NAGK: variants seen among roughly 807,000 people sequenced by gnomAD.
NAGK encodes N-acetyl-D-glucosamine kinase.
In NAGK, 35 loss-of-function variants were observed where a neutral mutation model predicts 42.9. The ratio of observed to expected loss-of-function variants is 0.82; its 90% CI spans 0.62 to 1.08. NAGK has a LOEUF of 1.08. NAGK is among the 50% of genes least tolerant of loss of function. The pLI is 0.00. For missense variants in NAGK, 446 were observed against 446.0 expected (o/e 1.00, Z 0.00); for synonymous variants, 172 against 176.0 (o/e 0.98, Z 0.18).
intron 1 of NAGK, chr2:71,069,262 T>G (rs1370611266): frequency 1.9e-5 from 5 of 257,148 alleles, no homozygotes; most frequent in Non-Finnish European, 3.0e-5. Flanking sequence ...GAAGCTTGTT[T>G]ACTGAACTTT....
At position 71,071,523 on chromosome 2, in the gene NAGK, C is replaced by A. The variant is rs553517737; in HGVS notation, c.214-163C>A. On this transcript the variant is annotated intron_variant, in intron 3 of 9. Coordinates refer to ENST00000244204, the MANE Select transcript of NAGK (RefSeq NM_017567.6). Reference sequence around the variant, plus strand: ...GTCCAGGTTGTTCTTATAACCACAGCCTTCTGAGGGGTCATTGTGTGGGGA... The same window carrying A: ...GTCCAGGTTGTTCTTATAACCACAGACTTCTGAGGGGTCATTGTGTGGGGA... 56 of 973,770 alleles carry A rather than the reference C, an allele frequency of 5.8e-5. No homozygotes were observed. The African/African-American group carries it at 9.1e-4, about 16-fold the overall frequency. 60.3% of individuals were successfully genotyped at this position (973,770 alleles called of 1,614,324 possible).
Position 71,072,759 on chromosome 2 carries a change from C to G in NAGK, c.466+8C>G. 6.2e-7 allele frequency: 1 copy of G among 1,608,604 alleles called. No homozygotes were observed. The highest frequency in any genetic ancestry group is 8.5e-7 in the Non-Finnish European group (1 of 1,175,382). On this transcript the variant is annotated splice_region_variant and intron_variant, in intron 5 of 9. Coordinates refer to ENST00000244204, the MANE Select transcript of NAGK (RefSeq NM_017567.6). Reference sequence around the variant, plus strand: ...TGGGTGATGAGGGTTCAGGTGAGCTCACTGACTGGCCCAGCTCCAGGTCCT... The same window carrying G: ...TGGGTGATGAGGGTTCAGGTGAGCTGACTGACTGGCCCAGCTCCAGGTCCT...
At chr2:71,076,123 G>T in intron 7 of NAGK, 1 of 185,094 alleles carries the variant, frequency 5.4e-6, no homozygotes, top group Non-Finnish European at 1.1e-5. Context: ...GCATTCTAGG[G>T]CTCTCTTAGA....
At chr2:71,071,034 A>G in intron 3 of NAGK, 195 bp downstream of exon 3, 1 of 605,550 alleles carries the variant, frequency 1.7e-6, no homozygotes, top group Non-Finnish European at 2.9e-6. Context: ...TTGGAAGAGC[A>G]CAGGGCTTTG....
At position 71,070,804 on chromosome 2, in the gene NAGK, G is replaced by A; in HGVS notation, c.178G>A (p.Ala60Thr). ...NEMVNRAKRKAGVDPLVPLRS... is the reference protein window; with the variant it reads ...NEMVNRAKRKTGVDPLVPLRS... ...GATGGTGAACAGGGCCAAACGGAAA[G>A]CAGGGGTGGATCCTCTGGTACCGCT... The change falls in exon 3 of 10, where the codon GCA (alanine) becomes ACA (threonine). Residue 60 changes from alanine (A) to threonine (T), a missense_variant. Transcript: ENST00000244204. The A allele has an allele frequency of 6.2e-7, 1 of 1,614,226 alleles. No homozygotes were observed. Among genetic ancestry groups the A allele is most frequent in the South Asian group, 1.1e-5 (1 of 91,086 alleles).
intron 7 of NAGK, chr2:71,075,846 C>A (rs1307150267): frequency 6.9e-6 from 4 of 581,422 alleles, no homozygotes; most frequent in Non-Finnish European, 1.2e-5. Context: ...TTTTGTATTA[C>A]CTGTGTTTTT....
chr2:71,071,740 G>C lies in NAGK; in HGVS notation c.268G>C (p.Glu90Gln). ...GGACGCGGGGAGGATCCTGATCGAG[G>C]AGCTGAGGGACCGATTTCCCTACCT... ...QEDAGRILIE[E>Q]LRDRFPYLSE... The change falls in exon 4 of 10, where the codon GAG (glutamate) becomes CAG (glutamine). Residue 90 changes from glutamate (E) to glutamine (Q), a missense_variant. By Grantham distance (29) the Glu-to-Gln change is conservative (BLOSUM62 2). Coordinates refer to ENST00000244204, the MANE Select transcript of NAGK (RefSeq NM_017567.6). 1 of 1,614,150 alleles carries C rather than the reference G, an allele frequency of 6.2e-7. No individual in the cohort carries two copies. The highest frequency in any genetic ancestry group is 1.1e-5 in the South Asian group (1 of 91,088).
chr2:71,076,271 G>C (rs1229553552), intron 7 of NAGK: 2 of 213,640 alleles, frequency 9.4e-6, no homozygotes, highest in South Asian at 7.2e-5. Context: ...AGAGCTGACA[G>C]CCTCATAGGA....
intron 5 of NAGK, 39 bp from the exon 6 acceptor site, chr2:71,073,443 G>A (rs1672096247): frequency 1.4e-6 from 2 of 1,414,498 alleles, no homozygotes; most frequent in East Asian, 2.3e-5. Context: ...AGCTCAGGAT[G>A]ACTGCTCCCA....
intron 5 of NAGK, 177 bp from the exon 6 acceptor site, chr2:71,073,305 G>A (rs2103704604): frequency 8.1e-6 from 5 of 618,248 alleles, no homozygotes; most frequent in Non-Finnish European, 1.2e-5. Flanking sequence ...GTCAGATACA[G>A]TTTGATAGAG....
chr2:71,075,540 C>A lies in NAGK; in HGVS notation c.580-15C>A, dbSNP rs112586600. The A allele has an allele frequency of 2.5e-6, 4 of 1,598,896 alleles. No individual in the cohort carries two copies. The highest frequency in any genetic ancestry group is 3.4e-6 in the Non-Finnish European group (4 of 1,166,498). On this transcript the variant is annotated splice_polypyrimidine_tract_variant and intron_variant, in intron 6 of 9. Transcript: ENST00000244204. ...TTTGCTTCTGATGACTCTCTTGTGC[C>A]CTTTCTCCTCTCAGGTGCCAGATCG...
rs759066858 is a variant in NAGK at position 71,070,724 on chromosome 2, C to T, written c.115-17C>T. On this transcript the variant is annotated splice_polypyrimidine_tract_variant and intron_variant, in intron 2 of 9. Transcript: ENST00000244204. ...CTGTAAGCCTTTGTAACTCCTTCTT[C>T]CCTTGATTGGGGCCAGCTGATCGGG... 1.1e-5 allele frequency: 18 copies of T among 1,614,012 alleles called. No individual in the cohort carries two copies. The highest frequency in any genetic ancestry group is 1.7e-5 in the Admixed American group (1 of 60,004).
chr2:71,073,324 A>ACCCCCCCCCCCCCCC, intron 5 of NAGK, 158 bp from the exon 6 acceptor site: 41 of 188,366 alleles, frequency 2.2e-4, no homozygotes, highest in South Asian at 4.8e-4. Context: ...AGACCCTCCC[A>ACCCCCCCCCCCCCCC]CCCCCCTCTC....
Position 71,078,318 on chromosome 2 carries a change from G to T in NAGK, c.845G>T (p.Gly282Val). ...VWKSWELLKE[G>V]FLLALTQGRE... ...TCTGTCCTTGTGTTCTTCCCTCCAG[G>T]TTTTCTTCTGGCGCTGACCCAGGGC... Residue 282 changes from glycine to valine, a missense_variant and splice_region_variant, in exon 10 of 10, where the codon GGT (glycine) becomes GTT (valine). Physicochemically the swap from Gly to Val is moderately radical, Grantham distance 109. Coordinates refer to ENST00000244204, the MANE Select transcript of NAGK (RefSeq NM_017567.6). The T allele has an allele frequency of 6.2e-7, 1 of 1,613,912 alleles. No homozygotes were observed. The highest frequency in any genetic ancestry group is 8.5e-7 in the Non-Finnish European group (1 of 1,179,860).
At chr2:71,076,106 C>T (rs1350985738) in intron 7 of NAGK, 3 of 185,950 alleles carry the variant, frequency 1.6e-5, no homozygotes, top group Admixed American at 5.5e-5. Context: ...GTTCCTGCAG[C>T]CTCAGGGCAT....
rs756173977 is a variant in NAGK at position 71,073,621 on chromosome 2, G to A, written c.579+27G>A. On this transcript the variant is annotated intron_variant, in intron 6 of 9. Coordinates refer to ENST00000244204, the MANE Select transcript of NAGK (RefSeq NM_017567.6). ...TACTCCTCCTGCTCCCAGTAAACATGCGCACCTGGGGTAGGGCAGTGAAAC... is the reference window on the plus strand; with the variant it reads ...TACTCCTCCTGCTCCCAGTAAACATACGCACCTGGGGTAGGGCAGTGAAAC... The A allele has an allele frequency of 3.9e-6, 6 of 1,542,498 alleles. No homozygotes were observed. The South Asian group carries it at 5.6e-5, about 14-fold the overall frequency.
Position 71,077,586 on chromosome 2 carries a change from C to G in NAGK, c.794C>G (p.Pro265Arg), listed in dbSNP as rs1380202090. Residue 265 changes from proline (P) to arginine (R), a missense_variant, in exon 9 of 10, where the codon CCC becomes CGC. By Grantham distance (103) the Pro-to-Arg change is moderately radical. Transcript: ENST00000244204. ...TTGTTCCAGGGCAAGATTGGACTCC[C>G]CATCCTGTGCGTGGGCTCTGTGTGG... ...PVLFQGKIGL[P>R]ILCVGSVWKS... is the part of the protein sequence containing the mutation. 6.2e-6 allele frequency: 10 copies of G among 1,609,508 alleles called. No individual in the cohort carries two copies. The highest frequency in any genetic ancestry group is 8.5e-6 in the Non-Finnish European group (10 of 1,177,980).
At position 71,072,687 on chromosome 2, in the gene NAGK, C is replaced by T. The variant is rs756816073; in HGVS notation, c.402C>T (p.Ile134=). Residue 134 remains isoleucine (I), a synonymous_variant, in exon 5 of 10, where the codon ATC becomes ATT. Transcript: ENST00000244204. ...ISGTGSNCRL[I]NPDGSESGCG... is the part of the protein sequence containing the mutation. Reference sequence around the variant, plus strand: ...GAACAGGCTCCAACTGCAGGCTCATCAACCCTGATGGCTCCGAGAGTGGCT... The same window carrying T: ...GAACAGGCTCCAACTGCAGGCTCATTAACCCTGATGGCTCCGAGAGTGGCT... 3.1e-6 allele frequency: 5 copies of T among 1,614,178 alleles called. No individual in the cohort carries two copies. Among genetic ancestry groups the T allele is most frequent in the Non-Finnish European group, 3.4e-6 (4 of 1,180,006 alleles).
intron 1 of NAGK, 52 bp downstream of exon 1, chr2:71,068,764 C>T: frequency 6.9e-7 from 1 of 1,439,184 alleles, no homozygotes; most frequent in Non-Finnish European, 9.1e-7. Flanking sequence ...GGCGGAAGGC[C>T]GTGGCCAGCC....
Sources: allele counts gnomAD v4.1 joint callset, GRCh38; gene constraint gnomAD v4.1.1; transcripts MANE v1.5; gene names NCBI Gene and HGNC (gene_info 2026-07-23, HGNC 2026-07-21).